The following FAT3 variants were observed in gnomAD, a reference collection of about 807,000 sequenced individuals.
The protein encoded by FAT3 is FAT atypical cadherin 3.
A neutral mutation model predicts 310.2 loss-of-function variants in FAT3; 95 were observed. That is an observed-to-expected ratio of 0.31 (90% CI 0.26 to 0.36). The LOEUF (loss-of-function observed/expected upper bound fraction) is 0.36, where lower values mean the gene tolerates loss of function less well. Ranked by LOEUF, FAT3 falls within the 10% of genes least tolerant of loss-of-function variation. FAT3 has a pLI of 1.00. For synonymous variants in FAT3, 2,314 were observed against 2,192.9 expected (o/e 1.06, Z -1.54); for missense variants, 5,408 against 5,715.6 (o/e 0.95, Z 1.74).
chr11:92,499,488 T>C (rs1952864937), intron 2 of FAT3, among the ~76,000 whole-genome samples: 1 of 151,966 alleles, frequency 6.6e-6, no homozygotes, highest in Admixed American at 6.6e-5. Context: ...ATATCAACGG[T>C]TTTGATTATT....
chr11:92,555,404 G>A (rs1954983276), intron 3 of FAT3, among the ~76,000 whole-genome samples: 1 of 152,172 alleles, frequency 6.6e-6, no homozygotes, highest in South Asian at 2.1e-4. Flanking sequence ...AAATTGAAAT[G>A]GGAAGCTGTG....
intron 3 of FAT3, among the ~76,000 whole-genome samples, chr11:92,564,234 A>G (rs1044674205): frequency 6.6e-6 from 1 of 152,044 alleles, no homozygotes; most frequent in Non-Finnish European, 1.5e-5. Context: ...AGGGGTTGCA[A>G]TCCTAGTCTC....
At chr11:92,561,709 T>A (rs753240550) in intron 3 of FAT3, among the ~76,000 whole-genome samples, 44 of 152,184 alleles carry the variant, frequency 2.9e-4, no homozygotes, top group Non-Finnish European at 5.1e-4. Flanking sequence ...CACTGCAGCC[T>A]CCACCTCCAG....
At chr11:92,603,930 T>C (rs1219886859) in intron 3 of FAT3, among the ~76,000 whole-genome samples, 2 of 152,210 alleles carry the variant, frequency 1.3e-5, no homozygotes, top group Non-Finnish European at 2.9e-5. Flanking sequence ...ATATTTTATC[T>C]TTCCCTTCAT....
chr11:92,539,799 C>G (rs1454923328), intron 3 of FAT3, among the ~76,000 whole-genome samples: 1 of 152,124 alleles, frequency 6.6e-6, no homozygotes, highest in Non-Finnish European at 1.5e-5. Flanking sequence ...GATTATATTT[C>G]TGGACCACTT....
intron 3 of FAT3, among the ~76,000 whole-genome samples, chr11:92,681,975 C>T (rs1324878948): frequency 6.6e-6 from 1 of 152,108 alleles, no homozygotes; most frequent in Non-Finnish European, 1.5e-5. Flanking sequence ...GGAAACCATC[C>T]CTGTGCACTT....
Position 92,882,999 on chromosome 11 carries a change from C to CAAG in FAT3, c.12546_12548dup (p.Lys4182dup). 6.2e-7 allele frequency: 1 copy of CAAG among 1,613,952 alleles called. No homozygotes were observed. The highest frequency in any genetic ancestry group is 8.5e-7 in the Non-Finnish European group (1 of 1,179,908). On this transcript the variant is annotated inframe_insertion, in exon 24 of 28. Coordinates refer to ENST00000525166, the MANE Select transcript of FAT3 (RefSeq NM_001367949.2). ...TAGTCTTCCGCAAGAAGGTCTTCCGCAAGAACTACTCCCGCAACAACATCA... is the reference window on the plus strand; with the variant it reads ...TAGTCTTCCGCAAGAAGGTCTTCCGCAAGAAGAACTACTCCCGCAACAACATCA...
chr11:92,363,629 C>T (rs1342468398), intron 2 of FAT3, among the ~76,000 whole-genome samples: 1 of 152,096 alleles, frequency 6.6e-6, no homozygotes. Context: ...TGTCCTCATT[C>T]TTTTTTTGAG....
chr11:92,709,603 A>G (rs1944459027), intron 4 of FAT3, among the ~76,000 whole-genome samples: 1 of 152,194 alleles, frequency 6.6e-6, no homozygotes, highest in Non-Finnish European at 1.5e-5. Context: ...TAGGCACTTG[A>G]TGAATGTTGG....
intron 3 of FAT3, among the ~76,000 whole-genome samples, chr11:92,611,900 A>T (rs1940578252): frequency 6.6e-6 from 1 of 152,198 alleles, no homozygotes. Context: ...ATTTGTTTTC[A>T]CCGCATACCC....
intron 7 of FAT3, among the ~76,000 whole-genome samples, chr11:92,784,357 C>T (rs746460057): frequency 4.5e-4 from 69 of 152,204 alleles, no homozygotes; most frequent in Non-Finnish European, 7.6e-4. Context: ...GTTTTAAATA[C>T]GGTTTTGAAA....
Position 92,359,269 on chromosome 11 carries a change from G to C in FAT3, c.3292+3865G>C, listed in dbSNP as rs544494627. Among the ~76,000 whole-genome samples the C allele has an allele frequency of 2.4e-3, 363 of 152,072 alleles. 3 individuals carry two copies. Among genetic ancestry groups the C allele is most frequent in the Non-Finnish European group, 4.3e-3 (293 of 67,990 alleles). On this transcript the variant is annotated intron_variant, in intron 2 of 27. Transcript: ENST00000525166. Reference sequence around the variant, plus strand: ...TTAGTTTTTTAAAAGGCAGATACTTGAGCTCATGTCTTAGATAAATTTCTT... The same window carrying C: ...TTAGTTTTTTAAAAGGCAGATACTTCAGCTCATGTCTTAGATAAATTTCTT...
At chr11:92,286,861 TC>T (rs1468122662) in intron 1 of FAT3, among the ~76,000 whole-genome samples, 8 of 152,174 alleles carry the variant, frequency 5.3e-5, no homozygotes, top group African/African-American at 1.9e-4. Context: ...GACTCATTAC[TC>T]CCTCTTGAAC....
chr11:92,888,522 C>T (rs1275690693), intron 25 of FAT3, among the ~76,000 whole-genome samples: 1 of 152,178 alleles, frequency 6.6e-6, no homozygotes, highest in Non-Finnish European at 1.5e-5. Flanking sequence ...TAGGAACTTT[C>T]ATCAAATTGG....
Position 92,661,421 on chromosome 11 carries a change from A to G in FAT3, c.3608-35963A>G, listed in dbSNP as rs572573620. Among the ~76,000 whole-genome samples the G allele has an allele frequency of 9.9e-5, 15 of 152,244 alleles. No individual in the cohort carries two copies. In the East Asian group the frequency reaches 2.9e-3, roughly 29 times the overall value. On this transcript the variant is annotated intron_variant, in intron 3 of 27. Transcript: ENST00000525166. ...AGCTCTGAGAGGAGATTCCATTACCATATGTGGTGAACCCTTGAAATAAAT... is the reference window on the plus strand; with the variant it reads ...AGCTCTGAGAGGAGATTCCATTACCGTATGTGGTGAACCCTTGAAATAAAT...
At chr11:92,641,022 C>T (rs1941942342) in intron 3 of FAT3, among the ~76,000 whole-genome samples, 1 of 152,152 alleles carries the variant, frequency 6.6e-6, no homozygotes, top group African/African-American at 2.4e-5. Flanking sequence ...CATGGTGAAA[C>T]CCTGTCTCAA....
intron 1 of FAT3, among the ~76,000 whole-genome samples, chr11:92,304,872 G>A (rs1031945127): frequency 6.6e-6 from 1 of 152,100 alleles, no homozygotes; most frequent in Non-Finnish European, 1.5e-5. Context: ...GTTGCATCAT[G>A]CTGGGTGAGG....
chr11:92,869,872 C>T (rs1057098383), intron 22 of FAT3, among the ~76,000 whole-genome samples: 1 of 152,118 alleles, frequency 6.6e-6, no homozygotes, highest in Non-Finnish European at 1.5e-5. Context: ...CAGGAAGAGA[C>T]AGTGTTGTGC....
intron 1 of FAT3, among the ~76,000 whole-genome samples, chr11:92,328,342 C>T (rs1028706509): frequency 2.0e-5 from 3 of 152,178 alleles, no homozygotes; most frequent in African/African-American, 7.2e-5. Context: ...ACATCTGGTC[C>T]TCCTGAAAGG....
Sources: allele counts gnomAD v4.1 joint callset (sites outside exome capture counted in the v4.1 genomes callset), GRCh38; gene constraint gnomAD v4.1.1; transcripts MANE v1.5; gene names NCBI Gene and HGNC (gene_info 2026-07-23, HGNC 2026-07-21).